CPVL: variants seen among roughly 807,000 people sequenced by gnomAD.
CPVL encodes probable serine carboxypeptidase CPVL.
In CPVL, 51 loss-of-function variants were observed where a neutral mutation model predicts 63.7. The observed-to-expected ratio is 0.80, with a 90% CI of 0.64 to 1.01. CPVL has a LOEUF of 1.01. Among genes scored for constraint, CPVL ranks in the 50% least tolerant of loss-of-function variants. The pLI is 0.00. For synonymous variants in CPVL, 195 were observed against 206.0 expected (o/e 0.95, Z 0.46); for missense variants, 530 against 573.1 (o/e 0.92, Z 0.77).
At chr7:29,158,052 A>G (rs1794661669) in intron 5 of CPVL, among the ~76,000 whole-genome samples, 1 of 152,146 alleles carries the variant, frequency 6.6e-6, no homozygotes, top group African/African-American at 2.4e-5. Flanking sequence ...GGAGGTAATC[A>G]AATAAAGGAG....
Position 29,075,519 on chromosome 7 carries a change from T to TAAAAAAAA in CPVL, c.610-3104_610-3097dup, listed in dbSNP as rs10658501. Among the ~76,000 whole-genome samples, 15 of 128,976 alleles carry TAAAAAAAA rather than the reference T, an allele frequency of 1.2e-4. 7 individuals are homozygous for TAAAAAAAA. Among genetic ancestry groups the TAAAAAAAA allele is most frequent in the Non-Finnish European group, 1.3e-4 (8 of 62,296 alleles). The allele number at this position is 128,976 out of a possible 152,430, so 84.6% of individuals were successfully genotyped here. On this transcript the variant is annotated intron_variant, in intron 7 of 12. Coordinates refer to ENST00000265394, the MANE Select transcript of CPVL (RefSeq NM_031311.5). Reference sequence around the variant, plus strand: ...TCTTTTCTATTGAGAAGATACTTCTTAAAAAAAAAAAAAAAAAAGCCATCA... The same window carrying TAAAAAAAA: ...TCTTTTCTATTGAGAAGATACTTCTTAAAAAAAAAAAAAAAAAAAAAAAAAAGCCATCA...
intron 1 of CPVL, among the ~76,000 whole-genome samples, chr7:29,140,452 A>T (rs760962007): frequency 3.3e-5 from 5 of 152,208 alleles, no homozygotes; most frequent in Non-Finnish European, 7.3e-5. Flanking sequence ...ACCTTCAAGG[A>T]GCCCTCATTC....
rs141053441 is a variant in CPVL at position 29,127,043 on chromosome 7, T to C, written c.-10-5972A>G. ...GTGATGTCTAATCTCTCTAACGAAT[T>C]AGTCATCCCTGTCTCTGCCACCATA... On this transcript the variant is annotated intron_variant, in intron 1 of 12. Coordinates refer to ENST00000265394, the MANE Select transcript of CPVL (RefSeq NM_031311.5). 7.2e-5 allele frequency: 11 copies of C among 152,264 alleles called. No individual in the cohort carries two copies. In the East Asian group the frequency reaches 2.1e-3, roughly 29 times the overall value. The allele number at this position is 152,264 out of a possible 1,614,324, so 9.4% of individuals were successfully genotyped here. A position where few individuals can be genotyped will look rare whatever the true frequency, so the allele number is the denominator to read the frequency against.
At chr7:29,179,906 CTG>C (rs1797848672) in intron 5 of CPVL, among the ~76,000 whole-genome samples, 1 of 152,290 alleles carries the variant, frequency 6.6e-6, no homozygotes, top group East Asian at 1.9e-4. Context: ...AATCTGGTCA[CTG>C]TTATTTTGAA....
At chr7:29,172,466 CA>C (rs1054395415) in intron 5 of CPVL, among the ~76,000 whole-genome samples, 11 of 151,916 alleles carry the variant, frequency 7.2e-5, no homozygotes, top group African/African-American at 2.2e-4. Context: ...ATTTATCATC[CA>C]AAAAAAATTA....
intron 1 of CPVL, among the ~76,000 whole-genome samples, chr7:29,140,641 T>C (rs1443777740): frequency 6.6e-6 from 1 of 152,102 alleles, no homozygotes; most frequent in Non-Finnish European, 1.5e-5. Flanking sequence ...ACTTCTAACT[T>C]TGGGAAAAAA....
At chr7:29,055,237 T>C (rs1048168332) in intron 11 of CPVL, among the ~76,000 whole-genome samples, 9 of 152,078 alleles carry the variant, frequency 5.9e-5, no homozygotes, top group Non-Finnish European at 1.0e-4. Flanking sequence ...AACACCTCTA[T>C]TTTCTTTTCA....
chr7:29,186,426 T>A (rs1272296416), intron 2 of CPVL: 2 of 151,950 alleles, frequency 1.3e-5, no homozygotes, highest in African/African-American at 4.8e-5. Context: ...CCACTAAAAA[T>A]TTTAAAAAGC....
At chr7:29,052,950 TA>T (rs1282580048) in intron 11 of CPVL, among the ~76,000 whole-genome samples, 1 of 151,776 alleles carries the variant, frequency 6.6e-6, no homozygotes, top group Non-Finnish European at 1.5e-5. Context: ...ACCTCAATAA[TA>T]AAAAACAAAT....
intron 11 of CPVL, among the ~76,000 whole-genome samples, chr7:29,033,610 A>G (rs1382999788): frequency 6.6e-6 from 1 of 152,232 alleles, no homozygotes; most frequent in Non-Finnish European, 1.5e-5. Context: ...TATTTTAAGC[A>G]ACAAGGTCTA....
At chr7:29,112,431 G>A (rs1054364429) in intron 3 of CPVL, among the ~76,000 whole-genome samples, 1 of 152,092 alleles carries the variant, frequency 6.6e-6, no homozygotes, top group Non-Finnish European at 1.5e-5. Flanking sequence ...AGAAGACTGT[G>A]GCAGGAAGAA....
chr7:29,176,347 C>A (rs1797339439), intron 5 of CPVL, among the ~76,000 whole-genome samples: 1 of 151,532 alleles, frequency 6.6e-6, no homozygotes, highest in Non-Finnish European at 1.5e-5. Flanking sequence ...CAGATTCCCC[C>A]AAACAGAGAG....
intron 12 of CPVL, among the ~76,000 whole-genome samples, chr7:29,013,918 C>G (rs1406104075): frequency 6.6e-6 from 1 of 152,242 alleles, no homozygotes; most frequent in African/African-American, 2.4e-5. Flanking sequence ...GTGGGACACT[C>G]TGATAGAAAA....
chr7:29,142,025 A>C (rs1791945977), intron 1 of CPVL, among the ~76,000 whole-genome samples: 1 of 152,188 alleles, frequency 6.6e-6, no homozygotes, highest in Non-Finnish European at 1.5e-5. Flanking sequence ...ATGCTCTAAA[A>C]GTCCTAGATA....
intron 5 of CPVL, among the ~76,000 whole-genome samples, chr7:29,172,523 A>T (rs1250002111): frequency 1.3e-5 from 2 of 152,258 alleles, no homozygotes; most frequent in African/African-American, 4.8e-5. Flanking sequence ...ATTGGAATCA[A>T]TTTGATTTCC....
At chr7:29,023,193 C>T (rs577267768) in intron 12 of CPVL, among the ~76,000 whole-genome samples, 17 of 152,350 alleles carry the variant, frequency 1.1e-4, no homozygotes, top group African/African-American at 4.1e-4. Context: ...AGTCTGTTCT[C>T]ATGCTGCTAA....
intron 1 of CPVL, among the ~76,000 whole-genome samples, chr7:29,190,437 G>T (rs1296428850): frequency 6.6e-6 from 1 of 152,160 alleles, no homozygotes; most frequent in Non-Finnish European, 1.5e-5. Flanking sequence ...TGCAGTGAGG[G>T]AGCACAGCTC....
chr7:29,195,343 G>T, upstream of CPVL: 1 of 273,606 alleles, frequency 3.7e-6, no homozygotes. Context: ...TTGGGGTGAA[G>T]CAGAGCGCCC....
chr7:29,101,173 C>A (rs965519565), intron 3 of CPVL, among the ~76,000 whole-genome samples: 15 of 152,042 alleles, frequency 9.9e-5, no homozygotes, highest in Admixed American at 8.5e-4. Context: ...ATACTTAAGA[C>A]CGAATGAAGA....
Sources: gnomAD v4.1 joint callset for allele counts (sites outside exome capture counted in the v4.1 genomes callset) on GRCh38, gnomAD v4.1.1 for gene constraint, MANE v1.5 for transcripts, NCBI Gene and HGNC (gene_info 2026-07-23, HGNC 2026-07-21) for gene names.